RIMS2: variants seen among roughly 807,000 people sequenced by gnomAD.
The protein encoded by RIMS2 is regulating synaptic membrane exocytosis protein 2.
In RIMS2, 59 loss-of-function variants were observed where a neutral mutation model predicts 174.4. The observed-to-expected ratio is 0.34, with a 90% CI of 0.27 to 0.42. The LOEUF (loss-of-function observed/expected upper bound fraction) is 0.42. RIMS2 is among the 10% of genes least tolerant of loss of function. The probability of loss-of-function intolerance (pLI) is 1.00; values close to 1 mark genes in which losing one functional copy is unlikely to be tolerated. For synonymous variants in RIMS2, 606 were observed against 572.5 expected (o/e 1.06, Z -0.84); for missense variants, 1,620 against 1,666.3 (o/e 0.97, Z 0.48).
intron 19 of RIMS2, among the ~76,000 whole-genome samples, chr8:104,083,591 A>G (rs796544325): frequency 1.3e-5 from 2 of 152,284 alleles, no homozygotes; most frequent in Admixed American, 6.5e-5. Flanking sequence ...ACTTTTCTTA[A>G]TTCTAGTAGA....
rs1310809944 is a variant in RIMS2 at position 103,569,601 on chromosome 8, ATT to A, written c.176+68545_176+68546del. Among the ~76,000 whole-genome samples the A allele has an allele frequency of 2.0e-5, 3 of 151,122 alleles. No individual in the cohort carries two copies. The East Asian group carries it at 5.8e-4, about 29-fold the overall frequency. Reference sequence around the variant, plus strand: ...GCTTTTATTAAATTTGTACCTCAGTATTTTTTTCTTTTTGATTTTTTTTTTGT... The same window carrying A: ...GCTTTTATTAAATTTGTACCTCAGTATTTTTCTTTTTGATTTTTTTTTTGT... On this transcript the variant is annotated intron_variant, in intron 1 of 23. Coordinates refer to ENST00000504942, the Ensembl canonical transcript of RIMS2.
chr8:103,597,689 A>G (rs1304841659), intron 1 of RIMS2, among the ~76,000 whole-genome samples: 2 of 152,134 alleles, frequency 1.3e-5, no homozygotes, highest in South Asian at 2.1e-4. Flanking sequence ...GCCTTTCTGC[A>G]TCTATGATAG....
chr8:104,072,824 CTAAGAA>C, intron 19 of RIMS2, among the ~76,000 whole-genome samples: 1 of 152,188 alleles, frequency 6.6e-6, no homozygotes, highest in African/African-American at 2.4e-5. Context: ...TACTGTCTTT[CTAAGAA>C]TATTTTCAGT....
chr8:103,912,959 CTTTTTTTGTTG>C (rs1391062731), intron 6 of RIMS2, among the ~76,000 whole-genome samples: 6 of 135,704 alleles, frequency 4.4e-5, no homozygotes, highest in Non-Finnish European at 9.6e-5. Context: ...CTCTAGCAAA[CTTTTTTTGTTG>C]TTTTTTTTTT....
At chr8:103,535,507 TAGA>T (rs1839344637) in intron 1 of RIMS2, among the ~76,000 whole-genome samples, 2 of 152,278 alleles carry the variant, frequency 1.3e-5, no homozygotes, top group Admixed American at 6.5e-5. Context: ...CGATTACAGC[TAGA>T]AGAACTGATT....
At chr8:104,036,020 A>C (rs2096506141) in intron 19 of RIMS2, among the ~76,000 whole-genome samples, 1 of 152,166 alleles carries the variant, frequency 6.6e-6, no homozygotes. Context: ...ATTTAAAATT[A>C]GTTCAGTTTT....
chr8:103,924,501 T>A (rs1015086613), intron 10 of RIMS2, among the ~76,000 whole-genome samples: 2 of 151,636 alleles, frequency 1.3e-5, no homozygotes, highest in Non-Finnish European at 3.0e-5. Flanking sequence ...TCTACATATA[T>A]CAACCCTAAG....
chr8:103,603,155 AC>A (rs1305811553), intron 1 of RIMS2, among the ~76,000 whole-genome samples: 1 of 73,256 alleles, frequency 1.4e-5, no homozygotes, highest in African/African-American at 5.7e-5. Flanking sequence ...CCCTCCCCCC[AC>A]CCCAACACAG....
At chr8:103,857,145 G>C (rs2154495422) in intron 3 of RIMS2, among the ~76,000 whole-genome samples, 1 of 152,226 alleles carries the variant, frequency 6.6e-6, no homozygotes, top group Admixed American at 6.6e-5. Context: ...ACTCAGGATG[G>C]TTCATGAGTT....
At chr8:103,965,804 T>C (rs369024966) in intron 15 of RIMS2, among the ~76,000 whole-genome samples, 57 of 152,198 alleles carry the variant, frequency 3.7e-4, no homozygotes, top group African/African-American at 1.3e-3. Context: ...TACATCAACT[T>C]GAGGAAGATC....
chr8:104,009,401 C>G (rs2095686959), intron 17 of RIMS2, among the ~76,000 whole-genome samples: 1 of 151,930 alleles, frequency 6.6e-6, no homozygotes, highest in African/African-American at 2.4e-5. Context: ...TCAAGCAATC[C>G]TCCCACTTTA....
At chr8:103,631,832 G>A (rs2095931295) in intron 1 of RIMS2, among the ~76,000 whole-genome samples, 1 of 152,128 alleles carries the variant, frequency 6.6e-6, no homozygotes, top group African/African-American at 2.4e-5. Flanking sequence ...TCTCCTTGTA[G>A]AGACCTTTTA....
chr8:103,892,998 G>A (rs2154521995), intron 4 of RIMS2, among the ~76,000 whole-genome samples: 1 of 151,986 alleles, frequency 6.6e-6, no homozygotes, highest in South Asian at 2.1e-4. Flanking sequence ...AGACATAAAA[G>A]AGCAAATGTC....
At chr8:103,940,826 G>T (rs1444880571) in intron 13 of RIMS2, among the ~76,000 whole-genome samples, 1 of 150,646 alleles carries the variant, frequency 6.6e-6, no homozygotes, top group African/African-American at 2.4e-5. Flanking sequence ...CAGTGAGCCA[G>T]GATCGTGCCA....
intron 3 of RIMS2, among the ~76,000 whole-genome samples, chr8:103,774,134 G>A (rs1396106295): frequency 2.6e-5 from 4 of 152,122 alleles, no homozygotes; most frequent in East Asian, 1.9e-4. Flanking sequence ...TGAGTGAGAC[G>A]CTGTCTCAAT....
chr8:103,939,192 A>T (rs1302521077), intron 13 of RIMS2, among the ~76,000 whole-genome samples: 1 of 152,214 alleles, frequency 6.6e-6, no homozygotes, highest in Non-Finnish European at 1.5e-5. Flanking sequence ...GAGGTTCTCC[A>T]TGAGAGCCCC....
At chr8:103,549,323 C>T (rs1021402934) in intron 1 of RIMS2, among the ~76,000 whole-genome samples, 1 of 152,162 alleles carries the variant, frequency 6.6e-6, no homozygotes, top group Non-Finnish European at 1.5e-5. Flanking sequence ...ATTCAACAAT[C>T]TTAAAGAAAA....
chr8:103,603,152 C>A (rs1202306794), intron 1 of RIMS2, among the ~76,000 whole-genome samples: 1 of 116,892 alleles, frequency 8.6e-6, no homozygotes, highest in East Asian at 3.0e-4. Context: ...CCCCCCTCCC[C>A]CCACCCCAAC....
intron 2 of RIMS2, among the ~76,000 whole-genome samples, chr8:103,755,107 C>A (rs2097966407): frequency 6.6e-6 from 1 of 152,104 alleles, no homozygotes; most frequent in Non-Finnish European, 1.5e-5. Context: ...TTCAAGAGCT[C>A]TTGTAAGACA....
Sources: allele counts gnomAD v4.1 joint callset (sites outside exome capture counted in the v4.1 genomes callset), GRCh38; gene constraint gnomAD v4.1.1; transcripts MANE v1.5; gene names NCBI Gene and HGNC (gene_info 2026-07-23, HGNC 2026-07-21).